RPS6KA1: variants seen among roughly 807,000 people sequenced by gnomAD.
The protein encoded by RPS6KA1 is ribosomal protein S6 kinase A1, also known as ribosomal protein S6 kinase alpha-1.
In RPS6KA1, 48 loss-of-function variants were observed where a neutral mutation model predicts 91.3. The ratio of observed to expected loss-of-function variants is 0.53; its 90% confidence interval spans 0.42 to 0.67. The LOEUF is 0.67. Ranked by LOEUF, RPS6KA1 falls within the 30% of genes least tolerant of loss-of-function variation. RPS6KA1 has a pLI of 0.00. For missense variants in RPS6KA1, 719 were observed against 960.5 expected (o/e 0.75, Z 3.32); for synonymous variants, 359 against 384.7 (o/e 0.93, Z 0.78).
rs1570468480 is a variant in RPS6KA1 at position 26,573,262 on chromosome 1, G to A, written c.1986G>A (p.Gln662=). 1 of 1,614,174 alleles carries A rather than the reference G, an allele frequency of 6.2e-7. No homozygotes were observed. Among genetic ancestry groups the A allele is most frequent in the East Asian group, 2.2e-5 (1 of 44,882 alleles). The part of the protein sequence containing the change: ...VSKMLHVDPH[Q]RLTAKQVLQH... The stretch of plus-strand genomic sequence containing the variant: ...AGATGCTACACGTGGATCCCCACCA[G>A]CGCCTCACAGCTAAGCAGGTTCTGC... Residue 662 remains glutamine (Q), a synonymous_variant, in exon 21 of 22, where the codon CAG becomes CAA. Coordinates refer to ENST00000374168, the MANE Select transcript of RPS6KA1 (RefSeq NM_002953.4).
intron 13 of RPS6KA1, among the ~76,000 whole-genome samples, chr1:26,557,741 G>A (rs1218310425): frequency 4.8e-5 from 7 of 146,552 alleles, no homozygotes; most frequent in Non-Finnish European, 8.9e-5. Context: ...TTAGGAGAGG[G>A]TGTGCTTTTC....
chr1:26,537,411 G>T (rs1313713760), intron 2 of RPS6KA1, among the ~76,000 whole-genome samples: 1 of 152,222 alleles, frequency 6.6e-6, no homozygotes, highest in Non-Finnish European at 1.5e-5. Flanking sequence ...GGCTAACCAG[G>T]CCCATTGCCT....
intron 12 of RPS6KA1, 129 bp downstream of exon 12, chr1:26,556,847 T>A: frequency 7.8e-7 from 1 of 1,278,864 alleles, no homozygotes; most frequent in Non-Finnish European, 1.1e-6. Flanking sequence ...CAGCCTGCCC[T>A]TGAAGACAAG....
intron 4 of RPS6KA1, among the ~76,000 whole-genome samples, chr1:26,548,153 G>C (rs138676167): frequency 6.6e-6 from 1 of 152,132 alleles, no homozygotes; most frequent in Admixed American, 6.5e-5. Flanking sequence ...CCAGCCTGGT[G>C]GGTGTGGAAG....
Position 26,556,783 on chromosome 1 carries a change from G to T in RPS6KA1, c.981+65G>T. The T allele has an allele frequency of 2.5e-6, 4 of 1,576,630 alleles. No homozygotes were observed. In the South Asian group the frequency reaches 4.4e-5, roughly 17 times the overall value. The stretch of plus-strand genomic sequence containing the variant: ...CAGCCATCTTGGCCACAGGAAGGGT[G>T]GTGGGAGGGGAGCCTCTGCCAGCGA... On this transcript the variant is annotated intron_variant, in intron 12 of 21. Transcript: ENST00000374168.
In RPS6KA1 at chr1:26,545,118, G is replaced by A. The variant is rs149060283; in HGVS notation, c.109-1749G>A. ...GTGTCCTTATCCTCCATCCCTGCCT[G>A]TTGGGTATGTGTTCTCTCCTGCCCC... On this transcript the variant is annotated intron_variant, in intron 2 of 21. Transcript: ENST00000374168. Among the ~76,000 whole-genome samples the A allele has an allele frequency of 3.4e-3, 510 of 150,350 alleles. 6 individuals are homozygous for A. Among genetic ancestry groups the A allele is most frequent in the South Asian group, 0.019 (90 of 4,746 alleles).
At chr1:26,543,141 G>A in intron 2 of RPS6KA1, 1 of 1,535,554 alleles carries the variant, frequency 6.5e-7, no homozygotes, top group Non-Finnish European at 8.7e-7. Context: ...GGGCCCTCTG[G>A]TCACCGGCTT....
intron 14 of RPS6KA1, among the ~76,000 whole-genome samples, chr1:26,559,572 G>A (rs906644803): frequency 4.7e-5 from 7 of 150,334 alleles, no homozygotes; most frequent in Non-Finnish European, 1.0e-4. Context: ...TAGAGACGGG[G>A]TTTTACCATG....
chr1:26,553,325 C>A (rs2076070120), intron 6 of RPS6KA1, 66 bp from the exon 7 acceptor site: 1 of 1,133,030 alleles, frequency 8.8e-7, no homozygotes, highest in African/African-American at 1.5e-5. Context: ...AAGCTGCTGA[C>A]TGCCCAGTGC....
intron 11 of RPS6KA1, chr1:26,556,019 A>T: frequency 3.8e-6 from 1 of 263,928 alleles, no homozygotes; most frequent in Non-Finnish European, 7.4e-6. Context: ...TAAACGAATG[A>T]GGCCACTTAT....
intron 19 of RPS6KA1, 97 bp downstream of exon 19, chr1:26,572,022 C>T (rs1570466724): frequency 7.9e-6 from 11 of 1,398,414 alleles, no homozygotes; most frequent in Non-Finnish European, 1.1e-5. Context: ...CCAGCCCCGC[C>T]CCAGGATGGT....
intron 2 of RPS6KA1, among the ~76,000 whole-genome samples, chr1:26,539,278 C>G (rs2075929082): frequency 6.6e-6 from 1 of 152,198 alleles, no homozygotes; most frequent in African/African-American, 2.4e-5. Context: ...ATGGTCATTG[C>G]CGTGCATGGC....
chr1:26,554,786 C>CA lies in RPS6KA1; in HGVS notation c.756+49dup. 6.4e-7 allele frequency: 1 copy of CA among 1,559,918 alleles called. No individual in the cohort carries two copies. The highest frequency in any genetic ancestry group is 8.7e-7 in the Non-Finnish European group (1 of 1,147,254). ...AGGATCCAGCCCAAGCCTCTGGCCT[C>CA]AGTCTCCCTATCTGTACAGTGAGGG... On this transcript the variant is annotated intron_variant, in intron 9 of 21. Coordinates refer to ENST00000374168, the MANE Select transcript of RPS6KA1 (RefSeq NM_002953.4). The surrounding 1 kb of genome is among the most constrained non-coding windows in gnomAD (Gnocchi z 4.6).
intron 14 of RPS6KA1, among the ~76,000 whole-genome samples, chr1:26,560,489 A>G (rs140395111): frequency 6.6e-6 from 1 of 152,294 alleles, no homozygotes; most frequent in East Asian, 1.9e-4. Flanking sequence ...CTGCCCTCTG[A>G]CCACAGGCTG....
rs574185213 is a variant in RPS6KA1 at position 26,544,235 on chromosome 1, A to G, written c.109-2632A>G. 2.0e-5 allele frequency: 9 copies of G among 455,192 alleles called. No homozygotes were observed. In the East Asian group the frequency reaches 3.5e-4, roughly 18 times the overall value. The allele number at this position is 455,192 out of a possible 1,614,324, so 28.2% of individuals were successfully genotyped here. On this transcript the variant is annotated intron_variant, in intron 2 of 21. Transcript: ENST00000374168. Reference sequence around the variant, plus strand: ...CTCCCGCTGTCTCTCTTTGCTGCCTACCTCTGTCTGTGGTTGGGTTCCAAT... The same window carrying G: ...CTCCCGCTGTCTCTCTTTGCTGCCTGCCTCTGTCTGTGGTTGGGTTCCAAT...
intron 2 of RPS6KA1, among the ~76,000 whole-genome samples, chr1:26,537,438 G>A (rs947230172): frequency 2.0e-5 from 3 of 152,192 alleles, no homozygotes; most frequent in African/African-American, 7.2e-5. Context: ...TGGCACTCAT[G>A]GCATTTCTTA....
rs1372287339 is a variant in RPS6KA1 at position 26,529,972 on chromosome 1, C to A, written c.52C>A (p.Leu18Met). Residue 18 changes from leucine to methionine, a missense_variant, in exon 1 of 22, where the codon CTG (leucine) becomes ATG (methionine). Physicochemically the swap from Leu to Met is conservative, Grantham distance 15. Coordinates refer to ENST00000374168, the MANE Select transcript of RPS6KA1 (RefSeq NM_002953.4). This position sits in a 1 kb window ranked among gnomAD's most constrained non-coding sequence, Gnocchi z 4.2. ...CTGGCCGCTCATGGAGCTAGTGCCTCTGGACCCGGAGGTGAGTGAGCGGGG... is the reference window on the plus strand; with the variant it reads ...CTGGCCGCTCATGGAGCTAGTGCCTATGGACCCGGAGGTGAGTGAGCGGGG... ...EPWPLMELVP[L>M]DPENGQTSGE... 1.4e-6 allele frequency: 2 copies of A among 1,415,488 alleles called. No homozygotes were observed. The highest frequency in any genetic ancestry group is 1.4e-5 in the South Asian group (1 of 73,018). The allele number at this position is 1,415,488 out of a possible 1,614,324, so 87.7% of individuals were successfully genotyped here.
intron 2 of RPS6KA1, among the ~76,000 whole-genome samples, chr1:26,545,222 T>G (rs925829887): frequency 2.0e-5 from 3 of 150,606 alleles, no homozygotes; most frequent in African/African-American, 7.4e-5. Flanking sequence ...CAGGCTGGAG[T>G]GCAGTGGCGC....
chr1:26,545,145 G>A (rs971259755), intron 2 of RPS6KA1, among the ~76,000 whole-genome samples: 10 of 151,442 alleles, frequency 6.6e-5, no homozygotes, highest in African/African-American at 2.4e-4. Flanking sequence ...TCCTGCCCCT[G>A]CCTGTTGGAT....
Sources: allele counts gnomAD v4.1 joint callset (sites outside exome capture counted in the v4.1 genomes callset), GRCh38; gene constraint gnomAD v4.1.1; non-coding constraint Gnocchi (gnomAD v3.1); transcripts MANE v1.5; gene names NCBI Gene and HGNC (gene_info 2026-07-23, HGNC 2026-07-21).